The following COL25A1 variants were observed in gnomAD, a reference collection of about 807,000 sequenced individuals.
COL25A1 encodes collagen alpha-1(XXV) chain.
A neutral mutation model predicts 128.4 loss-of-function variants in COL25A1; 103 were observed. The ratio of observed to expected loss-of-function variants is 0.80; its 90% CI spans 0.68 to 0.94. COL25A1 has a LOEUF of 0.94. COL25A1 is among the 40% of genes least tolerant of loss of function. The pLI, the probability that COL25A1 is intolerant of heterozygous loss-of-function variation, is 0.00. For synonymous variants in COL25A1, 279 were observed against 277.2 expected (o/e 1.01, Z -0.06); for missense variants, 745 against 840.0 (o/e 0.89, Z 1.40).
chr4:109,070,871 T>A (rs1256063432), intron 3 of COL25A1, among the ~76,000 whole-genome samples: 2 of 152,122 alleles, frequency 1.3e-5, no homozygotes, highest in Non-Finnish European at 2.9e-5. Flanking sequence ...GAGCTCATCC[T>A]TTTTTATGGC....
chr4:108,860,076 C>T (rs1438563877), intron 23 of COL25A1, among the ~76,000 whole-genome samples: 1 of 152,186 alleles, frequency 6.6e-6, no homozygotes, highest in Non-Finnish European at 1.5e-5. Flanking sequence ...AAAGCATCCT[C>T]TAACCTTTTG....
chr4:109,110,970 T>C (rs545611856), intron 3 of COL25A1, among the ~76,000 whole-genome samples: 3 of 152,282 alleles, frequency 2.0e-5, no homozygotes, highest in African/African-American at 7.2e-5. Context: ...TCCAGAGTGA[T>C]CTAAAATTCA....
At chr4:109,132,531 C>A (rs1400723363) in intron 3 of COL25A1, among the ~76,000 whole-genome samples, 1 of 151,874 alleles carries the variant, frequency 6.6e-6, no homozygotes, top group Non-Finnish European at 1.5e-5. Flanking sequence ...TTCTGTAAAC[C>A]ACATTTTAAA....
intron 3 of COL25A1, among the ~76,000 whole-genome samples, chr4:109,111,241 T>G (rs1241683470): frequency 6.6e-6 from 1 of 152,194 alleles, no homozygotes; most frequent in Non-Finnish European, 1.5e-5. Flanking sequence ...AATTGACAGC[T>G]TTACAACAAC....
At chr4:109,001,372 C>CAGGTATCTGAGATCCTGTCAGGT (rs1755346918) in intron 6 of COL25A1, among the ~76,000 whole-genome samples, 1 of 24,146 alleles carries the variant, frequency 4.1e-5, no homozygotes, top group African/African-American at 8.5e-5. Context: ...TTAAAAGAAA[C>CAGGTATCTGAGATCCTGTCAGGT]AGGCATCTGA....
intron 3 of COL25A1, among the ~76,000 whole-genome samples, chr4:109,073,091 G>T (rs1432055228): frequency 6.6e-6 from 1 of 152,028 alleles, no homozygotes; most frequent in Non-Finnish European, 1.5e-5. Flanking sequence ...ACACAATCTG[G>T]CCTATTTCAG....
intron 3 of COL25A1, among the ~76,000 whole-genome samples, chr4:109,214,157 TA>T (rs1412038771): frequency 6.6e-6 from 1 of 152,098 alleles, no homozygotes; most frequent in Non-Finnish European, 1.5e-5. Context: ...TTCAGACTCA[TA>T]GGGCCTAATC....
intron 8 of COL25A1, among the ~76,000 whole-genome samples, chr4:108,954,270 CATAAA>C (rs1435709578): frequency 6.6e-6 from 1 of 151,970 alleles, no homozygotes; most frequent in Non-Finnish European, 1.5e-5. Context: ...ATTGAAAAAT[CATAAA>C]ATAAACTTTC....
intron 31 of COL25A1, among the ~76,000 whole-genome samples, chr4:108,841,185 G>A (rs1304082039): frequency 1.3e-5 from 2 of 152,196 alleles, no homozygotes; most frequent in Non-Finnish European, 2.9e-5. Flanking sequence ...ATGCATGTAA[G>A]TGATGTGATC....
At chr4:109,218,351 T>G in intron 3 of COL25A1, among the ~76,000 whole-genome samples, 1 of 137,108 alleles carries the variant, frequency 7.3e-6, no homozygotes, top group African/African-American at 3.2e-5. Context: ...TTGCTGGTTT[T>G]TTGGGGTTTT....
At chr4:108,834,801 T>C (rs949793588) in intron 31 of COL25A1, among the ~76,000 whole-genome samples, 1 of 152,194 alleles carries the variant, frequency 6.6e-6, no homozygotes, top group African/African-American at 2.4e-5. Context: ...AAGCGCTCAT[T>C]ATAATAATCA....
intron 3 of COL25A1, among the ~76,000 whole-genome samples, chr4:109,130,197 G>T (rs1038190340): frequency 2.0e-5 from 3 of 152,028 alleles, no homozygotes; most frequent in Admixed American, 6.5e-5. Flanking sequence ...TACTGATGAG[G>T]ATGATTAAAG....
chr4:109,253,870 G>A (rs1001844720), intron 3 of COL25A1, among the ~76,000 whole-genome samples: 3 of 152,014 alleles, frequency 2.0e-5, no homozygotes, highest in Admixed American at 6.6e-5. Context: ...GGCGGATCAC[G>A]AGGTCAGGAG....
intron 3 of COL25A1, among the ~76,000 whole-genome samples, chr4:109,288,065 C>A (rs1002899255): frequency 6.6e-6 from 1 of 152,072 alleles, no homozygotes; most frequent in South Asian, 2.1e-4. Context: ...GCCAGGAGGG[C>A]CAAAATAGCA....
At chr4:108,899,002 T>C (rs888249101) in intron 15 of COL25A1, 152 bp downstream of exon 15, 1 of 602,308 alleles carries the variant, frequency 1.7e-6, no homozygotes, top group African/African-American at 2.0e-5. Flanking sequence ...TATATATCTA[T>C]ATATCTATAT....
intron 3 of COL25A1, among the ~76,000 whole-genome samples, chr4:109,183,737 G>A (rs1774880775): frequency 6.6e-6 from 1 of 152,006 alleles, no homozygotes; most frequent in Admixed American, 6.6e-5. Flanking sequence ...CAAACTTTAT[G>A]AGAGAGGCAC....
intron 3 of COL25A1, among the ~76,000 whole-genome samples, chr4:109,260,693 A>G (rs2126254782): frequency 6.6e-6 from 1 of 152,140 alleles, no homozygotes; most frequent in East Asian, 1.9e-4. Context: ...ACGGGGTTTC[A>G]CCATGTTGGC....
chr4:109,057,409 C>T (rs1328687481), intron 3 of COL25A1, among the ~76,000 whole-genome samples: 1 of 136,116 alleles, frequency 7.3e-6, no homozygotes, highest in African/African-American at 2.7e-5. Flanking sequence ...CTGGGACCAC[C>T]ATGCCTAGCT....
At chr4:108,859,549 G>A in intron 24 of COL25A1, 107 bp downstream of exon 24, 1 of 784,886 alleles carries the variant, frequency 1.3e-6, no homozygotes, top group East Asian at 2.8e-5. Flanking sequence ...CTTGAGCAGT[G>A]GAGTCCTCTG....
Sources: allele counts gnomAD v4.1 joint callset (sites outside exome capture counted in the v4.1 genomes callset), GRCh38; gene constraint gnomAD v4.1.1; transcripts MANE v1.5; gene names NCBI Gene and HGNC (gene_info 2026-07-23, HGNC 2026-07-21).